The following PHF14 variants were observed in gnomAD, a reference collection of about 807,000 sequenced individuals.
The protein encoded by PHF14 is PHD finger protein 14.
In PHF14, 55 loss-of-function variants were observed where a neutral mutation model predicts 117.9. The observed-to-expected ratio is 0.47, with a 90% CI of 0.38 to 0.58. The LOEUF is 0.58. PHF14 is among the 20% of genes least tolerant of loss of function. The pLI is 0.00. For synonymous variants in PHF14, 409 were observed against 368.6 expected, an observed-to-expected ratio of 1.11 and a Z score of -1.26; for missense variants, 978 against 1,122.2, an observed-to-expected ratio of 0.87 and a Z score of 1.84.
intron 17 of PHF14, among the ~76,000 whole-genome samples, chr7:11,161,666 C>CTAAATAAAAATATTATATTTTA (rs1491115869): frequency 1.1e-5 from 1 of 94,934 alleles, no homozygotes; most frequent in African/African-American, 4.7e-5. Flanking sequence ...CAGGTAAAAA[C>CTAAATAAAAATATTATATTTTA]TCTAAATAAA....
chr7:11,035,729 G>A lies in PHF14; in HGVS notation c.1545G>A (p.Gln515=), dbSNP rs986275082. 6 of 1,611,204 alleles carry A rather than the reference G, an allele frequency of 3.7e-6. No individual in the cohort carries two copies. In the African/African-American group the frequency reaches 8.0e-5, roughly 22 times the overall value. The change falls in exon 8 of 18, where the codon CAG becomes CAA. Residue 515 remains glutamine (Q), a synonymous_variant. Coordinates refer to ENST00000634607, the MANE Select transcript of PHF14 (RefSeq NM_001007157.2). ...KWKRKNYLAL[Q]SYCKMSLQER... is the part of the protein sequence containing the mutation. ...AGAGAAAAAACTACTTGGCTCTACA[G>A]TCCTATTGTAAAATGTCTTTGCAAG...
intron 17 of PHF14, among the ~76,000 whole-genome samples, chr7:11,135,414 T>C (rs1373791200): frequency 6.6e-6 from 1 of 152,096 alleles, no homozygotes; most frequent in Non-Finnish European, 1.5e-5. Flanking sequence ...TATTTGTAAA[T>C]AGATTAATAC....
chr7:10,982,354 T>A lies in PHF14; in HGVS notation c.113-18T>A, dbSNP rs1562559944. 1.3e-6 allele frequency: 2 copies of A among 1,509,522 alleles called. No homozygotes were observed. The highest frequency in any genetic ancestry group is 1.8e-6 in the Non-Finnish European group (2 of 1,131,054). 93.5% of individuals were successfully genotyped at this position (1,509,522 alleles called of 1,614,324 possible). On this transcript the variant is annotated intron_variant, in intron 2 of 17. Transcript: ENST00000634607. ...TATATACATATGTGTGGTTTTTTTT[T>A]TCTCATATTTTCAACAGATTCTGAA...
At chr7:11,115,487 A>T (rs751906585) in intron 17 of PHF14, among the ~76,000 whole-genome samples, 3 of 152,060 alleles carry the variant, frequency 2.0e-5, no homozygotes, top group Non-Finnish European at 4.4e-5. Flanking sequence ...TGAGGTGCAT[A>T]CTTAAGATGT....
chr7:11,053,989 T>G (rs1252132818), intron 14 of PHF14, among the ~76,000 whole-genome samples: 1 of 152,016 alleles, frequency 6.6e-6, no homozygotes, highest in African/African-American at 2.4e-5. Flanking sequence ...GATTATTTTC[T>G]TACTTGTAGA....
At chr7:11,091,438 A>G (rs1786638094) in intron 16 of PHF14, among the ~76,000 whole-genome samples, 1 of 152,286 alleles carries the variant, frequency 6.6e-6, no homozygotes, top group African/African-American at 2.4e-5. Flanking sequence ...ATTTTCAGAA[A>G]GCATTTAAAA....
chr7:10,991,502 G>T (rs1305467950), intron 4 of PHF14, among the ~76,000 whole-genome samples: 1 of 151,774 alleles, frequency 6.6e-6, no homozygotes, highest in African/African-American at 2.4e-5. Flanking sequence ...TAGAGATGGG[G>T]TTTCACCATA....
intron 16 of PHF14, among the ~76,000 whole-genome samples, chr7:11,074,984 C>T (rs1383251724): frequency 4.1e-5 from 6 of 147,228 alleles, no homozygotes; most frequent in Non-Finnish European, 8.9e-5. Flanking sequence ...GTCACCCATG[C>T]TGGAGTGCAG....
chr7:10,974,802 A>T (rs1347978097), intron 1 of PHF14, 33 bp from the exon 2 acceptor site: 13 of 1,063,888 alleles, frequency 1.2e-5, no homozygotes, highest in Non-Finnish European at 1.8e-5. Flanking sequence ...TGGTGTGATT[A>T]TGAATGACAA....
chr7:11,160,525 G>A (rs1398700397), intron 17 of PHF14, among the ~76,000 whole-genome samples: 2 of 152,110 alleles, frequency 1.3e-5, no homozygotes, highest in African/African-American at 4.8e-5. Context: ...TAGTGTATAA[G>A]CATTCCTTTT....
At chr7:11,086,208 A>G (rs1786403777) in intron 16 of PHF14, among the ~76,000 whole-genome samples, 1 of 152,092 alleles carries the variant, frequency 6.6e-6, no homozygotes, top group Non-Finnish European at 1.5e-5. Flanking sequence ...TTACTATTGT[A>G]CTCAAATTTG....
At chr7:11,046,807 C>T (rs1784679841) in intron 13 of PHF14, among the ~76,000 whole-genome samples, 1 of 151,910 alleles carries the variant, frequency 6.6e-6, no homozygotes, top group African/African-American at 2.4e-5. Flanking sequence ...TTTATGTAGG[C>T]ACCTGTCAAG....
chr7:11,050,185 A>G (rs1385192510), intron 13 of PHF14, among the ~76,000 whole-genome samples: 3 of 152,220 alleles, frequency 2.0e-5, no homozygotes, highest in African/African-American at 4.8e-5. Context: ...TAATAAGTTC[A>G]CAGTATTAGT....
At chr7:11,034,537 CT>C (rs1784243304) in intron 7 of PHF14, among the ~76,000 whole-genome samples, 1 of 57,196 alleles carries the variant, frequency 1.7e-5, no homozygotes, top group Non-Finnish European at 3.2e-5. Context: ...TTTCTTAATT[CT>C]ATTTTTTTTT....
chr7:11,000,849 G>C (rs1325579899), intron 4 of PHF14, among the ~76,000 whole-genome samples: 4 of 152,106 alleles, frequency 2.6e-5, no homozygotes, highest in Non-Finnish European at 5.9e-5. Flanking sequence ...TCACAGAGCA[G>C]AAGTTTTACA....
At chr7:11,107,519 T>C (rs2128342705) in intron 16 of PHF14, 1 of 879,920 alleles carries the variant, frequency 1.1e-6, no homozygotes, top group African/African-American at 1.8e-5. Context: ...TTATGCTCTA[T>C]AGTGTTAATG....
intron 7 of PHF14, among the ~76,000 whole-genome samples, chr7:11,029,135 A>G (rs1385191777): frequency 6.6e-6 from 1 of 152,222 alleles, no homozygotes; most frequent in Non-Finnish European, 1.5e-5. Context: ...AGCATATTTT[A>G]TACGAGAAGC....
intron 16 of PHF14, chr7:11,063,717 T>A: frequency 1.1e-6 from 1 of 877,764 alleles, no homozygotes; most frequent in Non-Finnish European, 1.4e-6. Context: ...AAATACAATT[T>A]TTATTTTAAA....
intron 17 of PHF14, among the ~76,000 whole-genome samples, chr7:11,155,596 G>C (rs576841163): frequency 1.3e-5 from 2 of 152,176 alleles, no homozygotes; most frequent in African/African-American, 4.8e-5. Flanking sequence ...GAGAGTAGGG[G>C]ACTTTGCTGA....
Sources: allele counts gnomAD v4.1 joint callset (sites outside exome capture counted in the v4.1 genomes callset), GRCh38; gene constraint gnomAD v4.1.1; transcripts MANE v1.5; gene names NCBI Gene and HGNC (gene_info 2026-07-23, HGNC 2026-07-21).